Variants in TMEM131 observed in about 807,000 individuals in gnomAD.
TMEM131 encodes transmembrane protein 131.
TMEM131 carries 66 observed loss-of-function variants against 211.6 expected under a neutral mutation model. That is an observed-to-expected ratio of 0.31 (90% CI 0.26 to 0.38). TMEM131 has a LOEUF of 0.38. TMEM131 is among the 10% of genes least tolerant of loss of function. TMEM131 has a pLI of 1.00. For synonymous variants in TMEM131, 844 were observed against 841.3 expected (o/e 1.00, Z -0.06); for missense variants, 2,036 against 2,299.3 (o/e 0.89, Z 2.34).
chr2:97,908,242 G>A (rs1676151501), intron 3 of TMEM131, among the ~76,000 whole-genome samples: 2 of 152,100 alleles, frequency 1.3e-5, no homozygotes, highest in African/African-American at 2.4e-5. Flanking sequence ...ATTTAAAAGC[G>A]GTCTCTCCAA....
intron 1 of TMEM131, among the ~76,000 whole-genome samples, chr2:97,981,025 C>T (rs1476556490): frequency 2.1e-4 from 4 of 18,742 alleles, no homozygotes; most frequent in African/African-American, 7.8e-4. Context: ...CAGAACTACA[C>T]ACCAAAAAAA....
intron 31 of TMEM131, among the ~76,000 whole-genome samples, chr2:97,784,163 G>A (rs995689626): frequency 6.6e-6 from 1 of 152,010 alleles, no homozygotes; most frequent in Non-Finnish European, 1.5e-5. Flanking sequence ...TCTCTCAACA[G>A]TATAACAACT....
intron 33 of TMEM131, among the ~76,000 whole-genome samples, chr2:97,770,238 A>G (rs550039895): frequency 1.8e-4 from 28 of 152,290 alleles, no homozygotes; most frequent in African/African-American, 6.7e-4. Flanking sequence ...TCCGGTTATT[A>G]AAAAAACCAG....
At chr2:97,976,928 AAT>A (rs2104624236) in intron 1 of TMEM131, among the ~76,000 whole-genome samples, 1 of 150,550 alleles carries the variant, frequency 6.6e-6, no homozygotes, top group South Asian at 2.1e-4. Flanking sequence ...TTGACTTTTT[AAT>A]AGACACTAGA....
intron 1 of TMEM131, among the ~76,000 whole-genome samples, chr2:97,958,202 G>C (rs1678660023): frequency 6.6e-6 from 1 of 152,210 alleles, no homozygotes; most frequent in African/African-American, 2.4e-5. Flanking sequence ...GGGGGCAGAA[G>C]CTGAGCCACC....
chr2:97,965,338 G>C lies in TMEM131; in HGVS notation c.187+30138C>G, dbSNP rs184377451. Among the ~76,000 whole-genome samples, 1,219 of 152,288 alleles carry C rather than the reference G, an allele frequency of 8.0e-3. 20 individuals are homozygous for C. Among genetic ancestry groups the C allele is most frequent in the Non-Finnish European group, 6.3e-3 (428 of 68,020 alleles). On this transcript the variant is annotated intron_variant, in intron 1 of 40. Coordinates refer to ENST00000186436, the MANE Select transcript of TMEM131 (RefSeq NM_015348.2). ...CATCTACCCTAAGAACAAAGAGCTT[G>C]TAAACCAATAAATTGGGTGGAGGCT...
intron 1 of TMEM131, among the ~76,000 whole-genome samples, chr2:97,931,883 A>G (rs1677235436): frequency 6.6e-6 from 1 of 152,106 alleles, no homozygotes; most frequent in South Asian, 2.1e-4. Context: ...GACCCCACTC[A>G]CAGTGTGGCC....
chr2:97,849,717 C>CTTTTTTTTTTTTT (rs11320615), intron 5 of TMEM131, among the ~76,000 whole-genome samples: 4 of 103,814 alleles, frequency 3.9e-5, no homozygotes, highest in Non-Finnish European at 3.7e-5. Flanking sequence ...CTCTCTCTCT[C>CTTTTTTTTTTTTT]TTTTTTTTTT....
At chr2:97,818,808 A>G (rs1439204115) in intron 11 of TMEM131, 87 bp from the exon 12 acceptor site, 1 of 845,474 alleles carries the variant, frequency 1.2e-6, no homozygotes, top group African/African-American at 1.7e-5. Flanking sequence ...GTATACTGGA[A>G]AAGTAAAGTG....
intron 40 of TMEM131, among the ~76,000 whole-genome samples, chr2:97,758,177 T>A (rs1187073069): frequency 2.0e-5 from 3 of 151,498 alleles, no homozygotes; most frequent in African/African-American, 7.3e-5. Context: ...TAAAGAATGG[T>A]TAAGGTGGTT....
At chr2:97,990,372 T>C (rs1559494778) in intron 1 of TMEM131, among the ~76,000 whole-genome samples, 1 of 152,034 alleles carries the variant, frequency 6.6e-6, no homozygotes, top group Non-Finnish European at 1.5e-5. Flanking sequence ...TTGCATGAAC[T>C]GTCAAGTCTG....
chr2:97,901,186 T>A (rs777705241), intron 3 of TMEM131, among the ~76,000 whole-genome samples: 2 of 152,172 alleles, frequency 1.3e-5, no homozygotes, highest in Admixed American at 1.3e-4. Flanking sequence ...AATGCTCATA[T>A]ATAGGACAGT....
In TMEM131 at chr2:97,795,131, G is replaced by A; in HGVS notation, c.3201-16C>T. The stretch of plus-strand genomic sequence containing the variant: ...AGGAGTAAACCTAAAACAGAATGAT[G>A]GTAGTAAGGCTAAGTTTTAAAAATA... On this transcript the variant is annotated splice_polypyrimidine_tract_variant and intron_variant, in intron 28 of 40. Transcript: ENST00000186436. 6.3e-7 allele frequency: 1 copy of A among 1,596,368 alleles called. No individual in the cohort carries two copies. Among genetic ancestry groups the A allele is most frequent in the Non-Finnish European group, 8.6e-7 (1 of 1,168,738 alleles).
intron 31 of TMEM131, among the ~76,000 whole-genome samples, chr2:97,787,713 G>A (rs961740119): frequency 6.6e-6 from 1 of 152,060 alleles, no homozygotes; most frequent in African/African-American, 2.4e-5. Flanking sequence ...CTTCTGCATC[G>A]TGTGGTGCAT....
At chr2:97,916,719 G>A (rs2104402122) in intron 2 of TMEM131, among the ~76,000 whole-genome samples, 1 of 152,310 alleles carries the variant, frequency 6.6e-6, no homozygotes, top group South Asian at 2.1e-4. Flanking sequence ...TGTTATTGCA[G>A]AGCGGTTAAA....
chr2:97,925,193 A>G (rs961279091), intron 2 of TMEM131, among the ~76,000 whole-genome samples: 1 of 152,200 alleles, frequency 6.6e-6, no homozygotes, highest in African/African-American at 2.4e-5. Flanking sequence ...TTTTTTAAAA[A>G]GAAAGTTAGA....
At chr2:97,950,412 T>C (rs1412276164) in intron 1 of TMEM131, among the ~76,000 whole-genome samples, 3 of 152,214 alleles carry the variant, frequency 2.0e-5, no homozygotes, top group African/African-American at 7.2e-5. Context: ...CTGTGTTTCA[T>C]GGACATTCCA....
intron 1 of TMEM131, among the ~76,000 whole-genome samples, chr2:97,953,924 T>C (rs6713504): frequency 0.37 from 56,865 of 152,008 alleles, 11,758 homozygotes; most frequent in African/African-American, 0.52. Context: ...GTATACCACA[T>C]GTCTAAACAA....
At position 97,978,990 on chromosome 2, in the gene TMEM131, AT is replaced by A. The variant is rs1368317121; in HGVS notation, c.187+16485del. On this transcript the variant is annotated intron_variant, in intron 1 of 40. Coordinates refer to ENST00000186436, the MANE Select transcript of TMEM131 (RefSeq NM_015348.2). ...TTACTTCTTGATCCTTGGCTGCAGA[AT>A]GGATGCTGTGTTAGCAGGCACGAAA... is the stretch of plus-strand genomic sequence containing the variant. Among the ~76,000 whole-genome samples the A allele has an allele frequency of 8.5e-5, 13 of 152,326 alleles. No homozygotes were observed. The South Asian group carries it at 2.7e-3, about 32-fold the overall frequency.
Sources: allele counts gnomAD v4.1 joint callset (sites outside exome capture counted in the v4.1 genomes callset), GRCh38; gene constraint gnomAD v4.1.1; transcripts MANE v1.5; gene names NCBI Gene and HGNC (gene_info 2026-07-23, HGNC 2026-07-21).